The following TTLL4 variants were observed in gnomAD, a reference collection of about 807,000 sequenced individuals.
TTLL4 encodes the protein tubulin tyrosine ligase like 4.
TTLL4 carries 85 observed loss-of-function variants against 122.7 expected under a neutral mutation model. The ratio of observed to expected loss-of-function variants is 0.69; its 90% CI spans 0.58 to 0.83. TTLL4 has a LOEUF of 0.83. Among genes scored for constraint, TTLL4 ranks in the 40% least tolerant of loss-of-function variants. The pLI, the probability that TTLL4 is intolerant of heterozygous loss-of-function variation, is 0.00. For missense variants in TTLL4, 1,363 were observed against 1,488.6 expected (o/e 0.92, Z 1.39); for synonymous variants, 553 against 563.0 (o/e 0.98, Z 0.25).
chr2:218,739,951 T>A, intron 3 of TTLL4, 107 bp from the exon 4 acceptor site: 8 of 990,068 alleles, frequency 8.1e-6, no homozygotes, highest in Non-Finnish European at 1.2e-5. Flanking sequence ...AGTAGCAGAT[T>A]GGTAATGGAG....
intron 1 of TTLL4, among the ~76,000 whole-genome samples, chr2:218,717,178 G>A (rs1314205238): frequency 6.6e-6 from 1 of 151,838 alleles, no homozygotes; most frequent in African/African-American, 2.4e-5. Context: ...GCCCATGCTG[G>A]TCTTGAACTC....
rs3731875 is a variant in TTLL4, at chr2:218,738,767, T to C, written c.1091T>C (p.Leu364Pro). Residue 364 changes from leucine to proline, a missense_variant, in exon 3 of 20, where the codon CTG (leucine) becomes CCG (proline). By Grantham distance (98) the Leu-to-Pro change is moderately conservative (BLOSUM62 -3). Coordinates refer to ENST00000392102, the MANE Select transcript of TTLL4 (RefSeq NM_014640.5). ...QGCQLEQSSF[L>P]NPSFQWNVLN... ...TGCCAGCTTGAACAGTCTAGTTTCC[T>C]GAACCCCAGCTTCCAGTGGAATGTC... is the stretch of plus-strand genomic sequence containing the variant. 7.9e-5 allele frequency: 128 copies of C among 1,614,168 alleles called. No homozygotes were observed. In the East Asian group the frequency reaches 2.8e-3, roughly 35 times the overall value.
chr2:218,728,289 G>A (rs1942253903), intron 2 of TTLL4, among the ~76,000 whole-genome samples: 2 of 152,180 alleles, frequency 1.3e-5, no homozygotes, highest in African/African-American at 4.8e-5. Context: ...ATCAGTGGGA[G>A]CCCTGGGCTT....
At chr2:218,759,574 A>G (rs1943203196), downstream of TTLL4, among the ~76,000 whole-genome samples, 1 of 152,186 alleles carries the variant, frequency 6.6e-6, no homozygotes, top group African/African-American at 2.4e-5. Context: ...AGGGAGGGGT[A>G]GACTGTAGAG....
rs139498990 is a variant in TTLL4, at chr2:218,738,342, C to T, written c.666C>T (p.Phe222=). 3.7e-6 allele frequency: 6 copies of T among 1,614,038 alleles called. No homozygotes were observed. The highest frequency in any genetic ancestry group is 1.3e-5 in the African/African-American group (1 of 74,934). The part of the protein sequence containing the change: ...SYKPMLNNNS[F]MWPNSTPVPL... ...AGCCCATGCTGAATAATAATTCCTT[C>T]ATGTGGCCAAATAGCACGCCAGTGC... The change falls in exon 3 of 20, where the codon TTC becomes TTT. Residue 222 remains phenylalanine, a synonymous_variant. Coordinates refer to ENST00000392102, the MANE Select transcript of TTLL4 (RefSeq NM_014640.5).
chr2:218,736,645 A>C (rs1320690946), intron 2 of TTLL4, among the ~76,000 whole-genome samples: 4 of 152,088 alleles, frequency 2.6e-5, no homozygotes, highest in African/African-American at 9.7e-5. Context: ...TCTTTTTCCC[A>C]CCAACACACA....
At chr2:218,741,858 G>C (rs1248471730) in intron 5 of TTLL4, among the ~76,000 whole-genome samples, 1 of 152,062 alleles carries the variant, frequency 6.6e-6, no homozygotes, top group Middle Eastern at 3.2e-3. Flanking sequence ...ATTCACAAAA[G>C]GTGTTTGTTA....
At chr2:218,745,270 C>G (rs1942810976) in intron 6 of TTLL4, 37 bp downstream of exon 6, 1 of 1,612,678 alleles carries the variant, frequency 6.2e-7, no homozygotes, top group African/African-American at 1.3e-5. Context: ...AGAAGAGCCC[C>G]CGGGGAGAAG....
intron 2 of TTLL4, among the ~76,000 whole-genome samples, chr2:218,729,743 CTT>C (rs202131372): frequency 1.6e-4 from 17 of 109,294 alleles, no homozygotes; most frequent in African/African-American, 6.2e-4. Context: ...TTTTCTCTCT[CTT>C]TTTAAAAAAA....
chr2:218,734,664 A>C (rs1277270911), intron 2 of TTLL4, among the ~76,000 whole-genome samples: 1 of 152,176 alleles, frequency 6.6e-6, no homozygotes, highest in Non-Finnish European at 1.5e-5. Flanking sequence ...GCTGTTTTTC[A>C]GGGGGACCAG....
intron 2 of TTLL4, among the ~76,000 whole-genome samples, chr2:218,729,689 A>T (rs182189436): frequency 6.7e-6 from 1 of 148,626 alleles, no homozygotes; most frequent in Admixed American, 6.8e-5. Flanking sequence ...CTTGGTTATT[A>T]GTTCTAGTAG....
rs759252472 is a variant in TTLL4, at chr2:218,747,256, C to A, written c.2167-34C>A. On this transcript the variant is annotated intron_variant, in intron 9 of 19. Transcript: ENST00000392102. The surrounding 1 kb of genome is among the most constrained non-coding windows in gnomAD (Gnocchi z 4.7). ...TGAGTGGGAACAACAGAGTATTGGA[C>A]CTGGAGCAAATCTCATCTCCTTTCT... is the stretch of plus-strand genomic sequence containing the variant. The A allele has an allele frequency of 1.9e-6, 3 of 1,613,932 alleles. No homozygotes were observed. The highest frequency in any genetic ancestry group is 4.5e-5 in the East Asian group (2 of 44,888).
chr2:218,751,591 CATCTTTGTCTTCTCTCA>C, intron 15 of TTLL4, 96 bp from the exon 16 acceptor site: 1 of 1,406,232 alleles, frequency 7.1e-7, no homozygotes, highest in South Asian at 1.6e-5. Context: ...TCTGTTCATA[CATCTTTGTCTTCTCTCA>C]AGAAGGGTGT....
rs879049551 is a variant in TTLL4 at position 218,751,904 on chromosome 2, C to CTTTTTTTTTTTTTTTTT, written c.2976+103_2976+104insTTTTTTTTTTTTTTTTT. ...CAGCTTTTCTTTTTTTTTTTCTTTTCTTTTTCTTTTTTTTTTTTTTGAGAT... is the reference window on the plus strand; with the variant it reads ...CAGCTTTTCTTTTTTTTTTTCTTTTCTTTTTTTTTTTTTTTTTTTTTTCTTTTTTTTTTTTTTGAGAT... On this transcript the variant is annotated intron_variant, in intron 16 of 19. Transcript: ENST00000392102. 9.6e-6 allele frequency: 5 copies of CTTTTTTTTTTTTTTTTT among 518,706 alleles called. No individual in the cohort carries two copies. The African/African-American group carries it at 1.3e-4, about 14-fold the overall frequency. 32.1% of individuals were successfully genotyped at this position (518,706 alleles called of 1,614,324 possible).
Position 218,738,028 on chromosome 2 carries a change from T to C in TTLL4, c.352T>C (p.Tyr118His). Residue 118 changes from tyrosine (Y) to histidine (H), a missense_variant, in exon 3 of 20, where the codon TAC becomes CAC. Tyr to His is a moderately conservative substitution (Grantham distance 83, BLOSUM62 2). Around this residue, in one of 3 missense-constraint regions of TTLL4, gnomAD observed 760 missense variants for 808.4 expected, o/e 0.94. Coordinates refer to ENST00000392102, the MANE Select transcript of TTLL4 (RefSeq NM_014640.5). ...LPDLFNSTLL[Y>H]RRSSYRQKPY... is the part of the protein sequence containing the mutation. Reference sequence around the variant, plus strand: ...GGACTTGTTCAACAGCACCCTGCTATACCGCCGCTCCAGCTATAGGCAAAA... The same window carrying C: ...GGACTTGTTCAACAGCACCCTGCTACACCGCCGCTCCAGCTATAGGCAAAA... The C allele has an allele frequency of 6.2e-7, 1 of 1,614,180 alleles. No individual in the cohort carries two copies. The highest frequency in any genetic ancestry group is 8.5e-7 in the Non-Finnish European group (1 of 1,180,042).
intron 18 of TTLL4, 117 bp from the exon 19 acceptor site, chr2:218,753,467 G>T: frequency 1.9e-6 from 2 of 1,068,110 alleles, no homozygotes; most frequent in South Asian, 1.3e-5. Context: ...CTGAGGGGTA[G>T]GGAAGGGGAG....
Position 218,754,538 on chromosome 2 carries a change from G to A in TTLL4, c.*149G>A. The A allele has an allele frequency of 1.8e-6, 2 of 1,093,030 alleles. No individual in the cohort carries two copies. Among genetic ancestry groups the A allele is most frequent in the Non-Finnish European group, 2.6e-6 (2 of 778,018 alleles). 67.7% of individuals were successfully genotyped at this position (1,093,030 alleles called of 1,614,324 possible). A position where few individuals can be genotyped will look rare whatever the true frequency, so the allele number is the denominator to read the frequency against. ...TTTGAAGTGGTTGCATTATAGAGAT[G>A]GGTATTTGTAGGGCCGGAGGGATGG... On this transcript the variant is annotated 3_prime_UTR_variant, in exon 20 of 20. Transcript: ENST00000392102.
intron 7 of TTLL4, 27 bp downstream of exon 7, chr2:218,745,828 T>C: frequency 1.3e-6 from 2 of 1,591,086 alleles, no homozygotes; most frequent in African/African-American, 2.7e-5. Flanking sequence ...ACTGTGAGCC[T>C]GTCCTTTTGC....
intron 2 of TTLL4, among the ~76,000 whole-genome samples, chr2:218,733,182 C>G (rs1341136747): frequency 6.6e-6 from 1 of 152,112 alleles, no homozygotes; most frequent in Non-Finnish European, 1.5e-5. Context: ...TGGCCCTTAT[C>G]CAACTTGCTA....
Sources: allele counts gnomAD v4.1 joint callset (sites outside exome capture counted in the v4.1 genomes callset), GRCh38; gene constraint gnomAD v4.1.1; regional missense constraint gnomAD v4.1.1; non-coding constraint Gnocchi (gnomAD v3.1); transcripts MANE v1.5; gene names NCBI Gene and HGNC (gene_info 2026-07-23, HGNC 2026-07-21).